HMOX2: variants seen among roughly 807,000 people sequenced by gnomAD.
The protein encoded by HMOX2 is heme oxygenase 2.
Under a neutral mutation model 33.7 loss-of-function variants are expected in HMOX2, and 30 were observed. That is an observed-to-expected ratio of 0.89 (90% CI 0.67 to 1.21). The LOEUF is 1.21. Ranked by LOEUF, HMOX2 falls within the 50% of genes most tolerant of loss-of-function variation. HMOX2 has a pLI of 0.00. For synonymous variants in HMOX2, 155 were observed against 155.0 expected (o/e 1.00, Z 0.00); for missense variants, 403 against 399.1 (o/e 1.01, Z -0.08).
intron 1 of HMOX2, among the ~76,000 whole-genome samples, chr16:4,482,747 G>C (rs1056425979): frequency 2.0e-5 from 3 of 152,160 alleles, no homozygotes; most frequent in South Asian, 4.1e-4. Context: ...GATACAGATG[G>C]CTGGGCGTGC....
At chr16:4,506,075 T>G (rs1311791687) in intron 2 of HMOX2, among the ~76,000 whole-genome samples, 1 of 151,410 alleles carries the variant, frequency 6.6e-6, no homozygotes, top group Non-Finnish European at 1.5e-5. Flanking sequence ...TTGGCCAAGT[T>G]TTTTTTTTAT....
rs576194937 is a variant in HMOX2 at position 4,501,661 on chromosome 16, C to T, written c.-41-3823C>T. 2.6e-5 allele frequency among the ~76,000 whole-genome samples: 4 copies of T among 152,212 alleles called. No individual in the cohort carries two copies. In the South Asian group the frequency reaches 6.2e-4, roughly 24 times the overall value. On this transcript the variant is annotated intron_variant, in intron 1 of 5. Coordinates refer to ENST00000570646, the MANE Select transcript of HMOX2 (RefSeq NM_002134.4). The stretch of plus-strand genomic sequence containing the variant: ...GGTTCTATATTTATGATTTGGCCCT[C>T]AATTTTCTAGAGATTCCAATGGTTC...
chr16:4,497,288 C>G (rs920082033), intron 1 of HMOX2, among the ~76,000 whole-genome samples: 1 of 152,148 alleles, frequency 6.6e-6, no homozygotes, highest in Non-Finnish European at 1.5e-5. Context: ...TTGATGGTAA[C>G]CTAGGGATGA....
intron 1 of HMOX2, among the ~76,000 whole-genome samples, chr16:4,484,464 T>C (rs1041730775): frequency 2.0e-5 from 3 of 147,650 alleles, no homozygotes; most frequent in Non-Finnish European, 4.5e-5. Flanking sequence ...TCTTTTCTTT[T>C]TTTTTTTTTT....
chr16:4,497,199 A>G lies in HMOX2; in HGVS notation c.-41-8285A>G, dbSNP rs17884444. On this transcript the variant is annotated intron_variant, in intron 1 of 5. Transcript: ENST00000570646. ...TACAGGTGACAATTTTTGTGCCTGT[A>G]TGAAAGGAAACATGACTGACTCCAC... is the stretch of plus-strand genomic sequence containing the variant. Among the ~76,000 whole-genome samples, 136 of 152,300 alleles carry G rather than the reference A, an allele frequency of 8.9e-4. 1 individual carries two copies. Among genetic ancestry groups the G allele is most frequent in the Non-Finnish European group, 1.5e-3 (102 of 68,016 alleles).
chr16:4,489,410 G>C (rs964202855), intron 1 of HMOX2, among the ~76,000 whole-genome samples: 1 of 151,972 alleles, frequency 6.6e-6, no homozygotes, highest in African/African-American at 2.4e-5. Flanking sequence ...TCAGCCTCGC[G>C]AGTAGCTGGG....
At chr16:4,485,349 G>A (rs2058141618) in intron 1 of HMOX2, among the ~76,000 whole-genome samples, 1 of 152,142 alleles carries the variant, frequency 6.6e-6, no homozygotes, top group South Asian at 2.1e-4. Context: ...GTACTGTATT[G>A]AGCTTCTAAG....
Position 4,504,265 on chromosome 16 carries a change from G to A in HMOX2, c.-41-1219G>A, listed in dbSNP as rs114205575. Among the ~76,000 whole-genome samples, 429 of 152,152 alleles carry A rather than the reference G, an allele frequency of 2.8e-3. 6 individuals carry two copies. The highest frequency in any genetic ancestry group is 9.8e-3 in the African/African-American group (407 of 41,494). On this transcript the variant is annotated intron_variant, in intron 1 of 5. Coordinates refer to ENST00000570646, the MANE Select transcript of HMOX2 (RefSeq NM_002134.4). The stretch of plus-strand genomic sequence containing the variant: ...AGGTAGGATGAACTGGCCTCAGCAC[G>A]CTTGCAGAGGGGTGGAACTGTGCGT...
At chr16:4,503,638 T>G (rs1218965993) in intron 1 of HMOX2, among the ~76,000 whole-genome samples, 1 of 152,366 alleles carries the variant, frequency 6.6e-6, no homozygotes, top group South Asian at 2.1e-4. Context: ...ATATGAGTTA[T>G]TGCTTGACTT....
upstream of HMOX2, among the ~76,000 whole-genome samples, chr16:4,475,101 G>A (rs1319758795): frequency 6.6e-6 from 1 of 151,870 alleles, no homozygotes; most frequent in Non-Finnish European, 1.5e-5. Context: ...ACAAGCATGT[G>A]CCACCAAGCC....
In HMOX2 at chr16:4,506,882, C is replaced by T. The variant is rs768922150; in HGVS notation, c.87-13C>T. 1.9e-6 allele frequency: 3 copies of T among 1,576,454 alleles called. No homozygotes were observed. Among genetic ancestry groups the T allele is most frequent in the Non-Finnish European group, 2.6e-6 (3 of 1,145,756 alleles). The stretch of plus-strand genomic sequence containing the variant: ...GGCTAATTGACACACAAACACCTCC[C>T]ATCTCTCCACAGAATGGCTGACCTC... On this transcript the variant is annotated splice_polypyrimidine_tract_variant and intron_variant, in intron 2 of 5. Coordinates refer to ENST00000570646, the MANE Select transcript of HMOX2 (RefSeq NM_002134.4).
At chr16:4,501,999 A>G (rs2058570764) in intron 1 of HMOX2, among the ~76,000 whole-genome samples, 1 of 152,204 alleles carries the variant, frequency 6.6e-6, no homozygotes, top group Non-Finnish European at 1.5e-5. Flanking sequence ...GCTTTCCTTC[A>G]AAGTAAAATC....
In HMOX2 at chr16:4,509,778, G is replaced by GT; in HGVS notation, c.*23dup. On this transcript the variant is annotated 3_prime_UTR_variant, in exon 6 of 6. Transcript: ENST00000570646. ...GTGAAGCACCCATCATGCCACACCG[G>GT]TACCCTCCTCCCGACTGACCACTGG... 1 of 1,606,540 alleles carries GT rather than the reference G, an allele frequency of 6.2e-7. No individual in the cohort carries two copies. Among genetic ancestry groups the GT allele is most frequent in the Non-Finnish European group, 8.5e-7 (1 of 1,176,468 alleles).
At chr16:4,492,097 A>C (rs2058319021) in intron 1 of HMOX2, among the ~76,000 whole-genome samples, 1 of 151,996 alleles carries the variant, frequency 6.6e-6, no homozygotes, top group Non-Finnish European at 1.5e-5. Context: ...TAATCCCAAC[A>C]ATGGGAGGGT....
intron 1 of HMOX2, among the ~76,000 whole-genome samples, chr16:4,488,973 G>T (rs1291863919): frequency 4.6e-5 from 7 of 152,006 alleles, no homozygotes; most frequent in African/African-American, 1.7e-4. Context: ...TGACAGGCAT[G>T]TGCCACCACG....
upstream of HMOX2, chr16:4,476,186 C>G (rs188726421): frequency 6.6e-6 from 1 of 152,476 alleles, no homozygotes; most frequent in Non-Finnish European, 1.5e-5. Flanking sequence ...CACCCTCACA[C>G]ACCTCGGCTC....
intron 1 of HMOX2, among the ~76,000 whole-genome samples, chr16:4,484,862 A>T (rs973496135): frequency 5.9e-5 from 9 of 152,160 alleles, no homozygotes; most frequent in African/African-American, 2.2e-4. Context: ...ATACAGTGCT[A>T]TGTAAATAGT....
At chr16:4,475,440 T>A (rs2057793622), upstream of HMOX2, among the ~76,000 whole-genome samples, 1 of 151,922 alleles carries the variant, frequency 6.6e-6, no homozygotes, top group Admixed American at 6.6e-5. Context: ...CCTGAGTAGC[T>A]GGGATTACAG....
intron 1 of HMOX2, among the ~76,000 whole-genome samples, chr16:4,487,227 C>T (rs1462776058): frequency 6.6e-6 from 1 of 151,734 alleles, no homozygotes; most frequent in Non-Finnish European, 1.5e-5. Context: ...CAGTGCACTT[C>T]AGCTTGAGCA....
Sources: allele counts gnomAD v4.1 joint callset (sites outside exome capture counted in the v4.1 genomes callset), GRCh38; gene constraint gnomAD v4.1.1; transcripts MANE v1.5; gene names NCBI Gene and HGNC (gene_info 2026-07-23, HGNC 2026-07-21).